The following INTS6 variants were observed in gnomAD, a reference collection of about 807,000 sequenced individuals.
INTS6 encodes DEAD box protein.
In INTS6, 16 loss-of-function variants were observed where a neutral mutation model predicts 104.9. The ratio of observed to expected loss-of-function variants is 0.15; its 90% CI spans 0.10 to 0.23. The LOEUF (loss-of-function observed/expected upper bound fraction) is 0.23, where lower values mean the gene tolerates loss of function less well. Among genes scored for constraint, INTS6 ranks in the 10% least tolerant of loss-of-function variants. INTS6 has a pLI of 1.00. For synonymous variants in INTS6, 324 were observed against 358.7 expected, an observed-to-expected ratio of 0.90 and a Z score of 1.09; for missense variants, 584 against 1,062.8, an observed-to-expected ratio of 0.55 and a Z score of 6.26.
intron 4 of INTS6, among the ~76,000 whole-genome samples, chr13:51,429,396 T>C (rs1459557524): frequency 1.3e-5 from 2 of 152,076 alleles, no homozygotes; most frequent in East Asian, 3.9e-4. Flanking sequence ...TAAAAAAATC[T>C]ATTATATTCA....
intron 4 of INTS6, among the ~76,000 whole-genome samples, chr13:51,404,228 AGCACCACTGCACTCCT>A (rs1221307098): frequency 6.6e-6 from 1 of 151,030 alleles, no homozygotes; most frequent in Non-Finnish European, 1.5e-5. Context: ...GAGTCATGAT[AGCACCACTGCACTCCT>A]GCCTGAGTGA....
downstream of INTS6, among the ~76,000 whole-genome samples, chr13:51,357,204 T>C (rs966035050): frequency 2.0e-5 from 3 of 152,182 alleles, no homozygotes; most frequent in Non-Finnish European, 4.4e-5. Context: ...TGTCCTTCTT[T>C]AAACATAATC....
At chr13:51,344,884 T>G in the INTS6 span, among the ~76,000 whole-genome samples, 42 of 152,040 alleles carry the variant, frequency 2.8e-4, no homozygotes, top group South Asian at 1.5e-3. Context: ...CCAAAAAAAG[T>G]GGTTTCCTGG....
Position 51,389,368 on chromosome 13 carries a change from C to A in INTS6, c.690G>T (p.Gly230=), listed in dbSNP as rs1260061027. The change falls in exon 6 of 18, where the codon GGG becomes GGT. Residue 230 remains glycine, a synonymous_variant. Transcript: ENST00000311234. ...LESLVQKVQS[G]VVINFEKAGP... is the part of the protein sequence containing the mutation. Reference sequence around the variant, plus strand: ...CTGCTTTTTCAAAGTTTATTACCACCCCACTTTGTACTTTCTGCACCAAGG... The same window carrying A: ...CTGCTTTTTCAAAGTTTATTACCACACCACTTTGTACTTTCTGCACCAAGG... 6.2e-7 allele frequency: 1 copy of A among 1,613,482 alleles called. No individual in the cohort carries two copies. The highest frequency in any genetic ancestry group is 1.7e-5 in the Admixed American group (1 of 59,996).
intron 3 of INTS6, among the ~76,000 whole-genome samples, chr13:51,432,795 CA>C: frequency 6.6e-6 from 1 of 152,192 alleles, no homozygotes; most frequent in Non-Finnish European, 1.5e-5. Flanking sequence ...TTGTGTCTTT[CA>C]GCCATCCACT....
At chr13:51,399,707 G>GT (rs1566225524) in intron 4 of INTS6, among the ~76,000 whole-genome samples, 2 of 148,304 alleles carry the variant, frequency 1.3e-5, no homozygotes, top group East Asian at 4.0e-4. Context: ...AGCCATTGTG[G>GT]GTGTGTGTGT....
the INTS6 span, among the ~76,000 whole-genome samples, chr13:51,348,823 G>C: frequency 9.8e-5 from 15 of 152,342 alleles, no homozygotes; most frequent in African/African-American, 3.6e-4. Context: ...CAAAACCAAA[G>C]AGATAAGATG....
intron 3 of INTS6, chr13:51,436,648 A>G (rs921831989): frequency 6.6e-6 from 1 of 152,324 alleles, no homozygotes; most frequent in African/African-American, 2.4e-5. Context: ...CAGAATCACT[A>G]AAGTTTGACT....
chr13:51,397,296 G>A (rs2137974153), intron 4 of INTS6, among the ~76,000 whole-genome samples: 1 of 152,166 alleles, frequency 6.6e-6, no homozygotes, highest in South Asian at 2.1e-4. Flanking sequence ...TTTTCCTAGT[G>A]AAGCTATGTT....
At chr13:51,366,819 G>C (rs980289448) in intron 17 of INTS6, among the ~76,000 whole-genome samples, 1 of 152,014 alleles carries the variant, frequency 6.6e-6, no homozygotes, top group Non-Finnish European at 1.5e-5. Flanking sequence ...TAGCATAGAA[G>C]AGACAGGGGG....
At chr13:51,372,307 T>G (rs1475241703) in intron 15 of INTS6, among the ~76,000 whole-genome samples, 4 of 114,330 alleles carry the variant, frequency 3.5e-5, no homozygotes, top group Non-Finnish European at 6.7e-5. Context: ...ATTGAACAGT[T>G]TTTTTTTTTT....
chr13:51,385,001 G>A (rs1956116031), intron 7 of INTS6: 1 of 206,110 alleles, frequency 4.9e-6, no homozygotes, highest in South Asian at 7.5e-5. Flanking sequence ...AAAAGTAACA[G>A]CCAATCACCT....
chr13:51,353,344 T>G (rs1593642687), downstream of INTS6, among the ~76,000 whole-genome samples: 1 of 152,366 alleles, frequency 6.6e-6, no homozygotes, highest in East Asian at 1.9e-4. Context: ...GTGCATGGGC[T>G]GTGCTGGGGA....
intron 4 of INTS6, among the ~76,000 whole-genome samples, chr13:51,419,634 T>A (rs905157234): frequency 6.6e-6 from 1 of 152,214 alleles, no homozygotes; most frequent in Non-Finnish European, 1.5e-5. Flanking sequence ...TTTTACATCT[T>A]ACACTATGCC....
chr13:51,354,663 A>G (rs374195237), intron 3 of INTS6, among the ~76,000 whole-genome samples: 10 of 152,192 alleles, frequency 6.6e-5, no homozygotes, highest in African/African-American at 2.4e-4. Context: ...AATAACATAA[A>G]TGACACTAAT....
chr13:51,361,454 C>T (rs1955573226), downstream of INTS6: 5 of 824,466 alleles, frequency 6.1e-6, no homozygotes, highest in Non-Finnish European at 1.0e-5. Context: ...CTGAATCTTT[C>T]CATAACCCCC....
chr13:51,450,185 G>A (rs953043563), intron 3 of INTS6: 12 of 984,716 alleles, frequency 1.2e-5, no homozygotes, highest in Non-Finnish European at 1.3e-5. Flanking sequence ...TAAGAACTGA[G>A]CTCCTTGGAA....
intron 7 of INTS6, chr13:51,384,114 C>T (rs927560244): frequency 6.2e-6 from 1 of 161,824 alleles, no homozygotes; most frequent in African/African-American, 2.4e-5. Flanking sequence ...AATCATAGAT[C>T]TTGATCAGTT....
chr13:51,411,619 T>C (rs1185923787), intron 4 of INTS6, among the ~76,000 whole-genome samples: 3 of 150,654 alleles, frequency 2.0e-5, no homozygotes, highest in African/African-American at 7.3e-5. Context: ...ACTTGGGAAA[T>C]GCAAACTAAA....
Sources: allele counts gnomAD v4.1 joint callset (sites outside exome capture counted in the v4.1 genomes callset), GRCh38; gene constraint gnomAD v4.1.1; transcripts MANE v1.5; gene names NCBI Gene and HGNC (gene_info 2026-07-23, HGNC 2026-07-21).